The following DSCAM variants were observed in gnomAD, a reference collection of about 807,000 sequenced individuals.
DSCAM encodes the protein cell adhesion molecule DSCAM.
Under a neutral mutation model 217.7 loss-of-function variants are expected in DSCAM, and 47 were observed. The observed-to-expected ratio is 0.22, with a 90% CI of 0.17 to 0.28. The LOEUF (loss-of-function observed/expected upper bound fraction) is 0.28, where lower values mean the gene tolerates loss of function less well. Among genes scored for constraint, DSCAM ranks in the 10% least tolerant of loss-of-function variants. The pLI, the probability that DSCAM is intolerant of heterozygous loss-of-function variation, is 1.00. For missense variants in DSCAM, 2,080 were observed against 2,618.3 expected, an observed-to-expected ratio of 0.79 and a Z score of 4.49; for synonymous variants, 1,056 against 1,015.3, an observed-to-expected ratio of 1.04 and a Z score of -0.76.
intron 11 of DSCAM, among the ~76,000 whole-genome samples, chr21:40,273,522 T>C (rs551250345): frequency 6.6e-6 from 1 of 152,206 alleles, no homozygotes; most frequent in African/African-American, 2.4e-5. Flanking sequence ...GTTTCTTGTA[T>C]CTGGCTTCTC....
chr21:40,333,178 C>T (rs1424765315), intron 8 of DSCAM, among the ~76,000 whole-genome samples: 1 of 152,176 alleles, frequency 6.6e-6, no homozygotes, highest in Admixed American at 6.6e-5. Context: ...CAATCCTAAT[C>T]CACAGGGAAA....
chr21:40,758,914 CT>C (rs1158054770), intron 1 of DSCAM, among the ~76,000 whole-genome samples: 3 of 152,088 alleles, frequency 2.0e-5, no homozygotes, highest in Non-Finnish European at 1.5e-5. Context: ...TTAAGGATGA[CT>C]TTTGATTTTT....
At chr21:40,245,080 C>T (rs2073204928) in intron 11 of DSCAM, among the ~76,000 whole-genome samples, 1 of 152,188 alleles carries the variant, frequency 6.6e-6, no homozygotes. Flanking sequence ...GTTCCAATGC[C>T]AGCCCAAGTG....
At chr21:40,221,294 C>A (rs1339064795) in intron 11 of DSCAM, among the ~76,000 whole-genome samples, 1 of 151,828 alleles carries the variant, frequency 6.6e-6, no homozygotes, top group East Asian at 1.9e-4. Context: ...CAATCAGACA[C>A]CTGATTGGAT....
chr21:40,471,723 G>A (rs1207300648), intron 3 of DSCAM, among the ~76,000 whole-genome samples: 1 of 152,134 alleles, frequency 6.6e-6, no homozygotes, highest in East Asian at 1.9e-4. Flanking sequence ...ACTTAGGAGT[G>A]ATCTGCTCTA....
chr21:40,806,041 C>A (rs1463396658), intron 1 of DSCAM, among the ~76,000 whole-genome samples: 2 of 152,168 alleles, frequency 1.3e-5, no homozygotes, highest in South Asian at 2.1e-4. Flanking sequence ...AGCCTGCCAT[C>A]TGTTTCCTGC....
chr21:40,602,976 T>C (rs1450604300), intron 3 of DSCAM, among the ~76,000 whole-genome samples: 1 of 40 alleles, frequency 0.025, no homozygotes, highest in African/African-American at 0.17. Context: ...TGTTATAAGT[T>C]TTCTGTGAAG....
chr21:40,761,789 T>G (rs894192921), intron 1 of DSCAM, among the ~76,000 whole-genome samples: 2 of 152,058 alleles, frequency 1.3e-5, no homozygotes, highest in Non-Finnish European at 2.9e-5. Context: ...ACTAGAGAAG[T>G]TTCTCTAAAC....
At chr21:40,117,740 C>A (rs17755598) in intron 20 of DSCAM, among the ~76,000 whole-genome samples, 3 of 152,170 alleles carry the variant, frequency 2.0e-5, no homozygotes, top group East Asian at 1.9e-4. Context: ...ACTTTCGTGG[C>A]GTGATTATAA....
intron 1 of DSCAM, among the ~76,000 whole-genome samples, chr21:40,723,178 G>A (rs1754061687): frequency 2.0e-5 from 3 of 151,600 alleles, no homozygotes; most frequent in Admixed American, 1.3e-4. Flanking sequence ...GAATGTTGGA[G>A]GTTAAGAAAC....
chr21:40,525,853 C>A (rs927719677), intron 3 of DSCAM, among the ~76,000 whole-genome samples: 3 of 152,168 alleles, frequency 2.0e-5, no homozygotes, highest in African/African-American at 7.2e-5. Context: ...CATCTGAGAA[C>A]CTTCTCTTGG....
chr21:40,821,093 G>T (rs897420694), intron 1 of DSCAM, among the ~76,000 whole-genome samples: 26 of 129,352 alleles, frequency 2.0e-4, no homozygotes, highest in East Asian at 4.3e-4. Context: ...CATATATAGA[G>T]AGATATATAT....
At chr21:40,736,887 A>G (rs557123372) in intron 1 of DSCAM, among the ~76,000 whole-genome samples, 1 of 152,268 alleles carries the variant, frequency 6.6e-6, no homozygotes, top group African/African-American at 2.4e-5. Context: ...TAACTACTCC[A>G]CAAGAAGAAG....
chr21:40,790,980 C>T (rs1014344624), intron 1 of DSCAM, among the ~76,000 whole-genome samples: 5 of 151,286 alleles, frequency 3.3e-5, no homozygotes, highest in African/African-American at 9.7e-5. Flanking sequence ...AGTTTAAGAC[C>T]ACCCTGGCCA....
chr21:40,253,472 C>T (rs961226782), intron 11 of DSCAM, among the ~76,000 whole-genome samples: 3 of 152,128 alleles, frequency 2.0e-5, no homozygotes, highest in African/African-American at 4.8e-5. Context: ...TCTGCAGTAC[C>T]TGAGTTTATG....
intron 32 of DSCAM, among the ~76,000 whole-genome samples, chr21:40,026,192 T>A (rs1040206872): frequency 2.1e-5 from 3 of 141,916 alleles, no homozygotes; most frequent in African/African-American, 7.6e-5. Context: ...TTGAGTGAGA[T>A]TCTTAATCCT....
intron 3 of DSCAM, among the ~76,000 whole-genome samples, chr21:40,514,742 T>C (rs998995389): frequency 3.3e-5 from 5 of 152,202 alleles, no homozygotes; most frequent in Non-Finnish European, 5.9e-5. Context: ...TACTAGTAAA[T>C]GTGGGATAAA....
intron 15 of DSCAM, among the ~76,000 whole-genome samples, chr21:40,167,760 T>C (rs1212913233): frequency 6.6e-6 from 1 of 152,206 alleles, no homozygotes; most frequent in Non-Finnish European, 1.5e-5. Flanking sequence ...TTCATGGCTT[T>C]TGTTCTTCAA....
chr21:40,324,753 G>A (rs765247167), intron 8 of DSCAM, among the ~76,000 whole-genome samples: 5 of 152,014 alleles, frequency 3.3e-5, no homozygotes, highest in Non-Finnish European at 5.9e-5. Context: ...ATAAAACTGA[G>A]TTACTTTTCT....
Sources: gnomAD v4.1 joint callset for allele counts (sites outside exome capture counted in the v4.1 genomes callset) on GRCh38, gnomAD v4.1.1 for gene constraint, MANE v1.5 for transcripts, NCBI Gene and HGNC (gene_info 2026-07-23, HGNC 2026-07-21) for gene names.